Variants in RIC1 observed in about 807,000 individuals in gnomAD.
RIC1 encodes guanine nucleotide exchange factor subunit RIC1.
Under a neutral mutation model 169.0 loss-of-function variants are expected in RIC1, and 88 were observed. That is an observed-to-expected ratio of 0.52 (90% CI 0.44 to 0.62). RIC1 has a LOEUF of 0.62. Ranked by LOEUF, RIC1 falls within the 20% of genes least tolerant of loss-of-function variation. The probability of loss-of-function intolerance (pLI) is 0.00; values close to 1 mark genes in which losing one functional copy is unlikely to be tolerated. For missense variants in RIC1, 1,877 were observed against 1,725.5 expected (o/e 1.09, Z -1.56); for synonymous variants, 790 against 601.5 (o/e 1.31, Z -4.59).
intron 17 of RIC1, among the ~76,000 whole-genome samples, chr9:5,761,357 C>G (rs976099588): frequency 6.6e-5 from 10 of 152,040 alleles, no homozygotes; most frequent in South Asian, 2.1e-4. Flanking sequence ...CGTGATCCAC[C>G]CACCTCAGCC....
intron 3 of RIC1, among the ~76,000 whole-genome samples, chr9:5,697,694 C>G (rs1821986113): frequency 1.3e-5 from 2 of 152,274 alleles, no homozygotes; most frequent in Non-Finnish European, 2.9e-5. Context: ...GGTTGGAGAA[C>G]TAAAGCCTCT....
chr9:5,742,825 G>A (rs1202663501), intron 8 of RIC1, 44 bp from the exon 9 acceptor site: 1 of 1,176,084 alleles, frequency 8.5e-7, no homozygotes, highest in South Asian at 1.4e-5. Context: ...AAGTATTTCT[G>A]AAGCAACTAT....
chr9:5,748,578 C>G (rs1825529534), intron 12 of RIC1: 1 of 152,660 alleles, frequency 6.6e-6, no homozygotes, highest in Admixed American at 6.5e-5. Flanking sequence ...TCCCTTCTCT[C>G]CTATAGCCAT....
At chr9:5,758,125 G>C (rs1297067198) in intron 17 of RIC1, among the ~76,000 whole-genome samples, 1 of 152,122 alleles carries the variant, frequency 6.6e-6, no homozygotes. Context: ...AGTGAAAAAG[G>C]ATATGGAAAG....
rs1331521727 is a variant in RIC1 at position 5,708,648 on chromosome 9, AGTCACATACATC to A, written c.333-5247_333-5236del. Among the ~76,000 whole-genome samples, 10 of 152,198 alleles carry A rather than the reference AGTCACATACATC, an allele frequency of 6.6e-5. No homozygotes were observed. The East Asian group carries it at 1.7e-3, about 26-fold the overall frequency. On this transcript the variant is annotated intron_variant, in intron 3 of 25. Coordinates refer to ENST00000414202, the MANE Select transcript of RIC1 (RefSeq NM_020829.4). ...TACTTGGGATCTCTTGTATGTGAGGAGTCACATACATCTCTTGCTGCTTTCAAGATTCTCTTC... is the reference window on the plus strand; with the variant it reads ...TACTTGGGATCTCTTGTATGTGAGGATCTTGCTGCTTTCAAGATTCTCTTC...
chr9:5,656,259 T>C (rs547669260), intron 1 of RIC1, among the ~76,000 whole-genome samples: 3 of 152,344 alleles, frequency 2.0e-5, no homozygotes, highest in Admixed American at 6.5e-5. Context: ...TGCTTCTATC[T>C]TGTGGAAGGC....
At chr9:5,714,066 C>A in intron 4 of RIC1, 63 bp downstream of exon 4, 2 of 996,832 alleles carry the variant, frequency 2.0e-6, no homozygotes, top group East Asian at 2.5e-5. Flanking sequence ...TTCGTAAATC[C>A]CATGACCAAC....
chr9:5,696,898 T>C (rs1821937498), intron 3 of RIC1, among the ~76,000 whole-genome samples: 2 of 152,200 alleles, frequency 1.3e-5, no homozygotes, highest in African/African-American at 4.8e-5. Flanking sequence ...TTTGAGGCTT[T>C]TTGTATGTCT....
intron 21 of RIC1, among the ~76,000 whole-genome samples, chr9:5,767,812 C>T (rs997716858): frequency 5.3e-5 from 8 of 152,172 alleles, no homozygotes; most frequent in Non-Finnish European, 7.3e-5. Flanking sequence ...GTCTCAAACT[C>T]CCGACCTCAG....
At chr9:5,645,621 T>C (rs548494395) in intron 1 of RIC1, among the ~76,000 whole-genome samples, 5 of 152,344 alleles carry the variant, frequency 3.3e-5, no homozygotes, top group African/African-American at 1.2e-4. Context: ...TTGATTTGTG[T>C]GGGTACCTCA....
Position 5,696,578 on chromosome 9 carries a change from A to G in RIC1, c.332+6540A>G, listed in dbSNP as rs532991063. On this transcript the variant is annotated intron_variant, in intron 3 of 25. Coordinates refer to ENST00000414202, the MANE Select transcript of RIC1 (RefSeq NM_020829.4). Reference sequence around the variant, plus strand: ...GTATGTTTTAAAAATTTACACTACTAATTCATCAATACCTTCTTACTTAAA... The same window carrying G: ...GTATGTTTTAAAAATTTACACTACTGATTCATCAATACCTTCTTACTTAAA... 3.3e-5 allele frequency among the ~76,000 whole-genome samples: 5 copies of G among 151,260 alleles called. No homozygotes were observed. In the East Asian group the frequency reaches 9.8e-4, roughly 30 times the overall value.
chr9:5,770,279 G>A lies in RIC1; in HGVS notation c.3616+1G>A. The A allele has an allele frequency of 1.2e-6, 2 of 1,610,070 alleles. No individual in the cohort carries two copies. Among genetic ancestry groups the A allele is most frequent in the Non-Finnish European group, 1.7e-6 (2 of 1,177,618 alleles). Reference sequence around the variant, plus strand: ...TTCTTGTCACCTTTATCTAATAAAGGTAAATGTAATTTTAAATCCTAGCTC... The same window carrying A: ...TTCTTGTCACCTTTATCTAATAAAGATAAATGTAATTTTAAATCCTAGCTC... On this transcript the variant is annotated splice_donor_variant, in intron 23 of 25. Coordinates refer to ENST00000414202, the MANE Select transcript of RIC1 (RefSeq NM_020829.4). LOFTEE classifies it high-confidence loss of function.
chr9:5,724,221 C>G (rs1421348966), intron 6 of RIC1, among the ~76,000 whole-genome samples: 2 of 152,098 alleles, frequency 1.3e-5, no homozygotes, highest in Non-Finnish European at 1.5e-5. Context: ...TGTTTGTGTC[C>G]TCTTTTATTT....
chr9:5,738,530 A>G lies in RIC1; in HGVS notation c.893A>G (p.Gln298Arg). ...LSHKLELTAK[Q>R]YPDIWNKTGA... The stretch of plus-strand genomic sequence containing the variant: ...CATAAATTAGAGCTAACAGCAAAAC[A>G]GTATCCTGGTGAGTCTTTTTTTTTT... The change falls in exon 8 of 26, where the codon CAG becomes CGG. Residue 298 changes from glutamine (Q) to arginine (R), a missense_variant. Gln to Arg is a conservative substitution (Grantham distance 43, BLOSUM62 1). This residue lies in a region of RIC1 where 1,104 missense variants were observed against 992.0 expected (regional missense o/e 1.11). Coordinates refer to ENST00000414202, the MANE Select transcript of RIC1 (RefSeq NM_020829.4). The G allele has an allele frequency of 1.3e-6, 2 of 1,525,270 alleles. No individual in the cohort carries two copies. Among genetic ancestry groups the G allele is most frequent in the Non-Finnish European group, 1.8e-6 (2 of 1,122,638 alleles). 94.5% of individuals were successfully genotyped at this position (1,525,270 alleles called of 1,614,324 possible). A position where few individuals can be genotyped will look rare whatever the true frequency, so the allele number is the denominator to read the frequency against.
chr9:5,673,535 G>GATAGATATAT (rs1554663217), intron 2 of RIC1, among the ~76,000 whole-genome samples: 1 of 119,304 alleles, frequency 8.4e-6, no homozygotes, highest in African/African-American at 3.6e-5. Context: ...AACATAAGGA[G>GATAGATATAT]ATATATATAT....
At chr9:5,707,554 C>A (rs1019250697) in intron 3 of RIC1, among the ~76,000 whole-genome samples, 2 of 151,932 alleles carry the variant, frequency 1.3e-5, no homozygotes, top group East Asian at 1.9e-4. Context: ...GGCTCTGATG[C>A]TATATTTGAA....
At chr9:5,736,296 T>C (rs1026644331) in intron 7 of RIC1, among the ~76,000 whole-genome samples, 9 of 152,156 alleles carry the variant, frequency 5.9e-5, no homozygotes, top group Admixed American at 5.9e-4. Flanking sequence ...CTGGGTATGA[T>C]TGAATGACAG....
chr9:5,670,354 G>C (rs975562819), intron 2 of RIC1, among the ~76,000 whole-genome samples: 1 of 152,030 alleles, frequency 6.6e-6, no homozygotes, highest in Non-Finnish European at 1.5e-5. Flanking sequence ...ATGCTCTTAG[G>C]GGAAAAAAAA....
chr9:5,643,329 T>G (rs1453887964), intron 1 of RIC1, among the ~76,000 whole-genome samples: 4 of 152,078 alleles, frequency 2.6e-5, no homozygotes, highest in African/African-American at 9.7e-5. Flanking sequence ...TTTTCATAGA[T>G]CATGTCAATA....
Sources: gnomAD v4.1 joint callset for allele counts (sites outside exome capture counted in the v4.1 genomes callset) on GRCh38, gnomAD v4.1.1 for gene constraint, gnomAD v4.1.1 regional missense constraint, MANE v1.5 for transcripts, NCBI Gene and HGNC (gene_info 2026-07-23, HGNC 2026-07-21) for gene names.